FGFR1: variants seen among roughly 807,000 people sequenced by gnomAD.
FGFR1 encodes the protein fibroblast growth factor receptor 1.
Under a neutral mutation model 93.7 loss-of-function variants are expected in FGFR1, and 18 were observed. The observed-to-expected ratio is 0.19, with a 90% CI of 0.13 to 0.28. FGFR1 has a LOEUF of 0.28. FGFR1 is among the 10% of genes least tolerant of loss of function. The pLI, the probability that FGFR1 is intolerant of heterozygous loss-of-function variation, is 1.00. For synonymous variants in FGFR1, 448 were observed against 429.3 expected, an observed-to-expected ratio of 1.04 and a Z score of -0.54; for missense variants, 731 against 1,080.4, an observed-to-expected ratio of 0.68 and a Z score of 4.53.
intron 1 of FGFR1, chr8:38,467,699 C>G (rs1016726430): frequency 1.7e-5 from 4 of 233,424 alleles, no homozygotes; most frequent in African/African-American, 8.8e-5. Context: ...CTCGCCAGCT[C>G]CCGAGCGCGA....
At chr8:38,432,950 A>T (rs1440609116) in intron 2 of FGFR1, among the ~76,000 whole-genome samples, 3 of 114,138 alleles carry the variant, frequency 2.6e-5, no homozygotes, top group East Asian at 3.0e-4. Context: ...GCACGGCTGC[A>T]TCCTCCCTGG....
chr8:38,417,217 A>C, intron 12 of FGFR1, 89 bp downstream of exon 12: 2 of 1,002,966 alleles, frequency 2.0e-6, no homozygotes, highest in Non-Finnish European at 3.2e-6. Context: ...CCCCTTCCCT[A>C]GCTGTGGCTG....
intron 2 of FGFR1, among the ~76,000 whole-genome samples, chr8:38,440,537 G>A (rs992808657): frequency 5.3e-5 from 8 of 151,538 alleles, no homozygotes; most frequent in African/African-American, 9.7e-5. Context: ...GGCCAATGGC[G>A]TCCACCAGCC....
intron 5 of FGFR1, among the ~76,000 whole-genome samples, chr8:38,427,318 C>T (rs1170125178): frequency 6.6e-6 from 1 of 152,138 alleles, no homozygotes; most frequent in Non-Finnish European, 1.5e-5. Context: ...CTCACTCTGT[C>T]ACCCAGGCTA....
intron 2 of FGFR1, among the ~76,000 whole-genome samples, chr8:38,455,761 T>C (rs1439540821): frequency 1.3e-5 from 2 of 152,076 alleles, no homozygotes; most frequent in Non-Finnish European, 2.9e-5. Context: ...GGCCCTTCAT[T>C]TTTCCCCTTC....
At position 38,412,844 on chromosome 8, in the gene FGFR1, TTCC is replaced by T. The variant is rs1181637953; in HGVS notation, c.*781_*783del. On this transcript the variant is annotated 3_prime_UTR_variant, in exon 18 of 18. Coordinates refer to ENST00000447712, the MANE Select transcript of FGFR1 (RefSeq NM_023110.3). ...AATATATGACCTTTTTAAAAACATT[TTCC>T]TTTTTTTTCTTTTTTGTTTTTAATA... 1 of 233,478 alleles carries T rather than the reference TTCC, an allele frequency of 4.3e-6. No homozygotes were observed. Among genetic ancestry groups the T allele is most frequent in the African/African-American group, 2.2e-5 (1 of 45,332 alleles). The allele number at this position is 233,478 out of a possible 1,614,324, so 14.5% of individuals were successfully genotyped here. A position where few individuals can be genotyped will look rare whatever the true frequency, so the allele number is the denominator to read the frequency against.
At chr8:38,423,386 A>G (rs1348163767) in intron 7 of FGFR1, 25 of 468,408 alleles carry the variant, frequency 5.3e-5, no homozygotes, top group African/African-American at 5.1e-4. Context: ...CAGTGGCGTG[A>G]TCTCAGCTCA....
chr8:38,414,975 T>C, intron 13 of FGFR1, 74 bp from the exon 14 acceptor site: 17 of 1,262,594 alleles, frequency 1.3e-5, no homozygotes, highest in Middle Eastern at 2.5e-4. Context: ...CCGCCACCCA[T>C]GCAACTAGCC....
chr8:38,428,731 C>T (rs1821718278), intron 3 of FGFR1: 1 of 446,406 alleles, frequency 2.2e-6, no homozygotes, highest in African/African-American at 2.0e-5. Context: ...GGCGCTTTCT[C>T]AACTTGTGGT....
intron 1 of FGFR1, chr8:38,461,192 TG>T (rs1834319713): frequency 6.7e-7 from 1 of 1,497,042 alleles, no homozygotes; most frequent in African/African-American, 1.4e-5. Flanking sequence ...ACATACAGGG[TG>T]GACAGTGTCT....
Position 38,416,032 on chromosome 8 carries a change from G to T in FGFR1, c.1692C>A (p.Ala564=). ...DGPLYVIVEY[A]SKGNLREYLQ... is the part of the protein sequence containing the mutation. ...GGTACTCCCGCAGGTTGCCCTTGGA[G>T]GCATACTCCACGATGACATACAAGG... Residue 564 remains alanine, a synonymous_variant, in exon 13 of 18, where the codon GCC becomes GCA. Transcript: ENST00000447712. The T allele has an allele frequency of 6.2e-7, 1 of 1,613,494 alleles. No individual in the cohort carries two copies. Among genetic ancestry groups the T allele is most frequent in the Non-Finnish European group, 8.5e-7 (1 of 1,179,928 alleles).
intron 2 of FGFR1, among the ~76,000 whole-genome samples, chr8:38,452,909 G>A (rs1220572488): frequency 3.9e-5 from 6 of 152,146 alleles, no homozygotes; most frequent in African/African-American, 7.2e-5. Context: ...CCCAGGAGGT[G>A]GAGGTTGCAG....
intron 2 of FGFR1, among the ~76,000 whole-genome samples, chr8:38,444,720 T>C (rs1002886094): frequency 1.3e-5 from 2 of 152,110 alleles, no homozygotes; most frequent in Admixed American, 1.3e-4. Context: ...CCTGAGAGTG[T>C]GTGGCTCTGT....
rs1085307722 is a variant in FGFR1, at chr8:38,417,885, C to T, written c.1537G>A (p.Val513Met). Reference protein sequence around the residue: ...DKPNRVTKVAVKMLKSDATEK... With the variant: ...DKPNRVTKVAMKMLKSDATEK... ...CATCACTTACACTTCAACATCTTCA[C>T]AGCCACTTTGGTCACACGGTTGGGT... Residue 513 changes from valine to methionine, a missense_variant, in exon 11 of 18, where the codon GTG becomes ATG. Around this residue, in one of 10 missense-constraint regions of FGFR1, gnomAD observed 62 missense variants for 99.5 expected, o/e 0.62. Transcript: ENST00000447712. 2 of 1,614,220 alleles carry T rather than the reference C, an allele frequency of 1.2e-6. No homozygotes were observed. Among genetic ancestry groups the T allele is most frequent in the Non-Finnish European group, 1.7e-6 (2 of 1,180,028 alleles).
At position 38,446,228 on chromosome 8, in the gene FGFR1, TA is replaced by T. The variant is rs199951599; in HGVS notation, c.91+11127del. ...ACCTTTTTTTTTTTTTTTTTTTTTT[TA>T]AAGAGGAAGTCTTGCTATGTAGCCA... On this transcript the variant is annotated intron_variant, in intron 2 of 17. Coordinates refer to ENST00000447712, the MANE Select transcript of FGFR1 (RefSeq NM_023110.3). Among the ~76,000 whole-genome samples, 1,155 of 141,062 alleles carry T rather than the reference TA, an allele frequency of 8.2e-3. 28 individuals carry two copies. The highest frequency in any genetic ancestry group is 0.022 in the African/African-American group (788 of 35,662). 92.5% of individuals were successfully genotyped at this position (141,062 alleles called of 152,430 possible). A position where few individuals can be genotyped will look rare whatever the true frequency, so the allele number is the denominator to read the frequency against.
chr8:38,420,050 T>C, intron 8 of FGFR1: 1 of 394,314 alleles, frequency 2.5e-6, no homozygotes, highest in South Asian at 2.8e-5. Context: ...CACCCAGGGA[T>C]CCTGCAAGGG....
At chr8:38,414,687 T>C (rs1586108994) in intron 14 of FGFR1, 58 bp from the exon 15 acceptor site, 3 of 1,612,938 alleles carry the variant, frequency 1.9e-6, no homozygotes, top group Non-Finnish European at 2.5e-6. Context: ...AGGGCACAGG[T>C]GGGAAGGGAC....
chr8:38,460,804 A>G (rs1482391166), intron 1 of FGFR1, among the ~76,000 whole-genome samples: 1 of 152,120 alleles, frequency 6.6e-6, no homozygotes, highest in Non-Finnish European at 1.5e-5. Context: ...GCTGTCTGGG[A>G]CCCTGCCACC....
Position 38,424,308 on chromosome 8 carries a change from C to T in FGFR1, c.936+201G>A, listed in dbSNP as rs964084255. On this transcript the variant is annotated intron_variant, in intron 7 of 17. Transcript: ENST00000447712. This position sits in a 1 kb window ranked among gnomAD's most constrained non-coding sequence, Gnocchi z 4.3. ...CACCCATCCCTGCAGCCCTCTGTTC[C>T]CAGCTCACCTCCACTTTGTGACCTC... 2.8e-5 allele frequency: 20 copies of T among 727,010 alleles called. No individual in the cohort carries two copies. The highest frequency in any genetic ancestry group is 2.6e-4 in the Admixed American group (13 of 49,628). 45.0% of individuals were successfully genotyped at this position (727,010 alleles called of 1,614,324 possible).
Sources: gnomAD v4.1 joint callset for allele counts (sites outside exome capture counted in the v4.1 genomes callset) on GRCh38, gnomAD v4.1.1 for gene constraint, gnomAD v4.1.1 regional missense constraint, Gnocchi (gnomAD v3.1) non-coding constraint, MANE v1.5 for transcripts, NCBI Gene and HGNC (gene_info 2026-07-23, HGNC 2026-07-21) for gene names.